The following NNT variants were observed in gnomAD, a reference collection of about 807,000 sequenced individuals.
NNT encodes nicotinamide nucleotide transhydrogenase.
In NNT, 50 loss-of-function variants were observed where a neutral mutation model predicts 104.8. That is an observed-to-expected ratio of 0.48 (90% CI 0.38 to 0.60). NNT has a LOEUF of 0.60. Among genes scored for constraint, NNT ranks in the 20% least tolerant of loss-of-function variants. The pLI is 0.00. For synonymous variants in NNT, 461 were observed against 490.4 expected, an observed-to-expected ratio of 0.94 and a Z score of 0.79; for missense variants, 1,131 against 1,330.7, an observed-to-expected ratio of 0.85 and a Z score of 2.33.
At chr5:43,676,846 C>T (rs202139395) in intron 18 of NNT, among the ~76,000 whole-genome samples, 3 of 151,952 alleles carry the variant, frequency 2.0e-5, no homozygotes, top group East Asian at 1.9e-4. Flanking sequence ...AGGGAGGCGA[C>T]GATTTGTTTT....
Position 43,628,502 on chromosome 5 carries a change from T to C in NNT, c.964+115T>C, listed in dbSNP as rs1579998130. The stretch of plus-strand genomic sequence containing the variant: ...ATTTCTTTAAGGAAGGATCTAGTAC[T>C]TTCTATTATAAAAGTACTAGAAAAC... On this transcript the variant is annotated intron_variant, in intron 7 of 21. Coordinates refer to ENST00000344920, the MANE Select transcript of NNT (RefSeq NM_182977.3). The C allele has an allele frequency of 1.1e-5, 8 of 701,580 alleles. 1 individual carries two copies. The highest frequency in any genetic ancestry group is 1.7e-5 in the Non-Finnish European group (8 of 463,366). The allele number at this position is 701,580 out of a possible 1,614,324, so 43.5% of individuals were successfully genotyped here.
intron 1 of NNT, 94 bp from the exon 2 acceptor site, chr5:43,609,049 C>T (rs1749365682): frequency 2.0e-5 from 11 of 558,108 alleles, no homozygotes; most frequent in Non-Finnish European, 3.4e-5. Flanking sequence ...ATATTTCAAG[C>T]TCTTTAGATT....
At chr5:43,680,546 A>G (rs1012030512) in intron 19 of NNT, among the ~76,000 whole-genome samples, 1 of 152,108 alleles carries the variant, frequency 6.6e-6, no homozygotes, top group Non-Finnish European at 1.5e-5. Context: ...TGGACATATG[A>G]TTGTCATCAA....
intron 7 of NNT, among the ~76,000 whole-genome samples, chr5:43,642,209 AG>A (rs1259385079): frequency 3.3e-5 from 5 of 152,170 alleles, no homozygotes; most frequent in African/African-American, 1.2e-4. Flanking sequence ...CTGGCCCTAG[AG>A]GGTGGGGATG....
chr5:43,644,351 G>A, intron 8 of NNT, 26 bp downstream of exon 8: 7 of 1,608,684 alleles, frequency 4.4e-6, no homozygotes, highest in Non-Finnish European at 5.9e-6. Flanking sequence ...TTTTCTATCT[G>A]TGATCACTTC....
intron 19 of NNT, among the ~76,000 whole-genome samples, chr5:43,693,274 T>C (rs1742383502): frequency 6.6e-6 from 1 of 152,210 alleles, no homozygotes. Context: ...GTTATTTCAA[T>C]ATAATGCATT....
At chr5:43,668,907 C>T (rs1740874718) in intron 17 of NNT, among the ~76,000 whole-genome samples, 2 of 152,286 alleles carry the variant, frequency 1.3e-5, no homozygotes, top group South Asian at 4.1e-4. Context: ...TCTTCCTATC[C>T]ATGAGCATGG....
Position 43,649,730 on chromosome 5 carries a change from G to A in NNT, c.1606+422G>A, listed in dbSNP as rs576058728. ...TACAATAGGCCCCATGTGGCATCAG[G>A]TTCACCATGAAGCTATGGGACAGGA... is the stretch of plus-strand genomic sequence containing the variant. On this transcript the variant is annotated intron_variant, in intron 11 of 21. Transcript: ENST00000344920. Among the ~76,000 whole-genome samples the A allele has an allele frequency of 3.9e-5, 6 of 152,252 alleles. No individual in the cohort carries two copies. The East Asian group carries it at 1.2e-3, about 29-fold the overall frequency.
intron 17 of NNT, among the ~76,000 whole-genome samples, chr5:43,671,351 G>A (rs929277811): frequency 2.6e-5 from 4 of 152,138 alleles, no homozygotes; most frequent in Non-Finnish European, 4.4e-5. Flanking sequence ...TATTTTGCTC[G>A]TTAGTTGATG....
chr5:43,615,043 A>G (rs1304967799), intron 3 of NNT, among the ~76,000 whole-genome samples: 3 of 151,948 alleles, frequency 2.0e-5, no homozygotes, highest in Non-Finnish European at 4.4e-5. Flanking sequence ...AGGCTGAGGC[A>G]GGAGAATGGC....
Position 43,700,237 on chromosome 5 carries a change from G to T in NNT, c.2995G>T (p.Asp999Tyr). 6.2e-7 allele frequency: 1 copy of T among 1,601,598 alleles called. No homozygotes were observed. The highest frequency in any genetic ancestry group is 8.6e-7 in the Non-Finnish European group (1 of 1,169,504). ...EMDEINHDFP[D>Y]TDLVLVIGAN... ...GGATGAGATCAACCATGATTTTCCAGGTAAGTGGTGGGGGCAATTGTGAAG... is the reference window on the plus strand; with the variant it reads ...GGATGAGATCAACCATGATTTTCCATGTAAGTGGTGGGGGCAATTGTGAAG... Residue 999 changes from aspartate (D) to tyrosine (Y), a missense_variant and splice_region_variant, in exon 20 of 22, where the codon GAT (aspartate) becomes TAT (tyrosine). By Grantham distance (160) the Asp-to-Tyr change is radical. Transcript: ENST00000344920.
Position 43,620,228 on chromosome 5 carries a change from C to CT in NNT, c.687+1118dup, listed in dbSNP as rs201522385. 9.5e-3 allele frequency among the ~76,000 whole-genome samples: 1,445 copies of CT among 151,382 alleles called. 19 individuals carry two copies. Among genetic ancestry groups the CT allele is most frequent in the African/African-American group, 0.034 (1,388 of 41,284 alleles). On this transcript the variant is annotated intron_variant, in intron 5 of 21. Coordinates refer to ENST00000344920, the MANE Select transcript of NNT (RefSeq NM_182977.3). ...TACAGGTTAACTGGTGCTTCCTGCT[C>CT]TTTTTTTTTGAGACGGAGTCTCACT...
intron 20 of NNT, among the ~76,000 whole-genome samples, chr5:43,700,899 T>G (rs1742817109): frequency 6.6e-6 from 1 of 152,220 alleles, no homozygotes; most frequent in Non-Finnish European, 1.5e-5. Context: ...ATGTCTAGAT[T>G]CACATAGCAT....
At chr5:43,628,456 G>T in intron 7 of NNT, 69 bp downstream of exon 7, 1 of 1,183,694 alleles carries the variant, frequency 8.4e-7, no homozygotes, top group Non-Finnish European at 1.2e-6. Flanking sequence ...AAGCGAGAGT[G>T]AATGATTGCT....
chr5:43,646,276 T>C (rs1055545270), intron 10 of NNT, among the ~76,000 whole-genome samples: 1 of 152,134 alleles, frequency 6.6e-6, no homozygotes, highest in African/African-American at 2.4e-5. Context: ...TTTATATATA[T>C]ACTAAAAATA....
In NNT at chr5:43,645,455, A is replaced by G. The variant is rs543665248; in HGVS notation, c.1389A>G (p.Ala463=). 1.1e-5 allele frequency: 17 copies of G among 1,578,152 alleles called. No individual in the cohort carries two copies. The highest frequency in any genetic ancestry group is 4.7e-5 in the East Asian group (2 of 42,422). ...KTVAELEAEK[A]ATITPFRKTM... ...TGGCTGAGCTGGAAGCTGAAAAAGC[A>G]GCTACCATTACACCCTTCAGGAAGA... is the stretch of plus-strand genomic sequence containing the variant. Residue 463 remains alanine, a synonymous_variant, in exon 10 of 22, where the codon GCA becomes GCG. Coordinates refer to ENST00000344920, the MANE Select transcript of NNT (RefSeq NM_182977.3).
In NNT at chr5:43,649,313, G is replaced by T. The variant is rs750076729; in HGVS notation, c.1606+5G>T. On this transcript the variant is annotated splice_donor_5th_base_variant and intron_variant, in intron 11 of 21. Transcript: ENST00000344920. ...CTGTGACAAATGCAATCTCAGGTTT[G>T]TTCCTCTCTTGTTTTTCCTCATCTC... 6.2e-7 allele frequency: 1 copy of T among 1,613,882 alleles called. No individual in the cohort carries two copies. Among genetic ancestry groups the T allele is most frequent in the Non-Finnish European group, 8.5e-7 (1 of 1,179,844 alleles).
At chr5:43,609,990 T>G (rs1482321645) in intron 2 of NNT, among the ~76,000 whole-genome samples, 1 of 152,152 alleles carries the variant, frequency 6.6e-6, no homozygotes, top group Non-Finnish European at 1.5e-5. Context: ...CACAGGACAG[T>G]GAGAATAATC....
At chr5:43,653,936 C>A (rs10067068) in intron 14 of NNT, among the ~76,000 whole-genome samples, 2,342 of 144,574 alleles carry the variant, frequency 0.016, 63 homozygotes, top group African/African-American at 0.052. Context: ...GCCTGGGTGA[C>A]AAAGCGAGAC....
Sources: gnomAD v4.1 joint callset for allele counts (sites outside exome capture counted in the v4.1 genomes callset) on GRCh38, gnomAD v4.1.1 for gene constraint, MANE v1.5 for transcripts, NCBI Gene and HGNC (gene_info 2026-07-23, HGNC 2026-07-21) for gene names.